The following JDP2 variants were observed in gnomAD, a reference collection of about 807,000 sequenced individuals.
JDP2 encodes progesterone receptor co-activator.
In JDP2, 9 loss-of-function variants were observed where a neutral mutation model predicts 17.1. The ratio of observed to expected loss-of-function variants is 0.53; its 90% confidence interval spans 0.32 to 0.92. JDP2 has a LOEUF of 0.92. Among genes scored for constraint, JDP2 ranks in the 40% least tolerant of loss-of-function variants. The probability of loss-of-function intolerance (pLI) is 0.04; values close to 1 mark genes in which losing one functional copy is unlikely to be tolerated. For synonymous variants in JDP2, 107 were observed against 95.6 expected, an observed-to-expected ratio of 1.12 and a Z score of -0.69; for missense variants, 179 against 220.0, an observed-to-expected ratio of 0.81 and a Z score of 1.18.
rs908789195 is a variant in JDP2, at chr14:75,473,999, T to C, written c.*4524T>C. 6.6e-6 allele frequency: 1 copy of C among 152,218 alleles called. No individual in the cohort carries two copies. The highest frequency in any genetic ancestry group is 1.5e-5 in the Non-Finnish European group (1 of 68,050). The allele number at this position is 152,218 out of a possible 1,614,324, so 9.4% of individuals were successfully genotyped here. A position where few individuals can be genotyped will look rare whatever the true frequency, so the allele number is the denominator to read the frequency against. On this transcript the variant is annotated 3_prime_UTR_variant, in exon 4 of 4. Transcript: ENST00000651602. ...TTTAAAATCCCCATCAAATGTAGAA[T>C]GACAGGATTTTTCAGAGGTGGGTGA...
intron 1 of JDP2, chr14:75,432,244 G>A (rs937741009): frequency 1.2e-5 from 17 of 1,414,502 alleles, no homozygotes; most frequent in East Asian, 7.5e-5. Flanking sequence ...CGTGACCTAC[G>A]TCATTCAGAT....
rs1886837302 is a variant in JDP2, at chr14:75,472,548, G to A, written c.*3073G>A. The A allele has an allele frequency of 1.3e-5, 2 of 152,200 alleles. No homozygotes were observed. The highest frequency in any genetic ancestry group is 1.3e-4 in the Admixed American group (2 of 15,284). 9.4% of individuals were successfully genotyped at this position (152,200 alleles called of 1,614,324 possible). ...ACACCTTAAAGGCAAACGGGTTCATGATGTAATCTTCTATTGACTAGCTGT... is the reference window on the plus strand; with the variant it reads ...ACACCTTAAAGGCAAACGGGTTCATAATGTAATCTTCTATTGACTAGCTGT... On this transcript the variant is annotated 3_prime_UTR_variant, in exon 4 of 4. Transcript: ENST00000651602.
rs1885509142 is a variant in JDP2, at chr14:75,444,626, A to ATAC, written c.201+6507_201+6509dup. Among the ~76,000 whole-genome samples the ATAC allele has an allele frequency of 2.0e-5, 3 of 152,372 alleles. No homozygotes were observed. The South Asian group carries it at 6.2e-4, about 32-fold the overall frequency. Reference sequence around the variant, plus strand: ...TCCAAAGTAGTACAGTTTCCTGCACATACTGCACATGGTGACTGGATCCAC... The same window carrying ATAC: ...TCCAAAGTAGTACAGTTTCCTGCACATACTACTGCACATGGTGACTGGATCCAC... On this transcript the variant is annotated intron_variant, in intron 2 of 3. Transcript: ENST00000651602.
intron 2 of JDP2, among the ~76,000 whole-genome samples, chr14:75,443,851 T>C (rs997144892): frequency 1.5e-4 from 23 of 152,182 alleles, no homozygotes; most frequent in African/African-American, 5.3e-4. Flanking sequence ...TCTTAGGTTT[T>C]CTATTAATAT....
chr14:75,431,429 C>T (rs1365792799), intron 1 of JDP2, among the ~76,000 whole-genome samples: 2 of 152,204 alleles, frequency 1.3e-5, no homozygotes, highest in Non-Finnish European at 2.9e-5. Flanking sequence ...AACCCAGCTA[C>T]CGCTCCTTGT....
chr14:75,438,143 G>C (rs374292549), intron 2 of JDP2, 22 bp downstream of exon 2: 2 of 1,569,184 alleles, frequency 1.3e-6, no homozygotes, highest in Non-Finnish European at 1.7e-6. Flanking sequence ...TTTTACCCCT[G>C]GCAGATTCCA....
rs970605941 is a variant in JDP2 at position 75,428,982 on chromosome 14, T to G, written c.-24+730T>G. Among the ~76,000 whole-genome samples the G allele has an allele frequency of 6.6e-6, 1 of 151,650 alleles. No homozygotes were observed. The highest frequency in any genetic ancestry group is 2.1e-4 in the South Asian group (1 of 4,800). On this transcript the variant is annotated intron_variant, in intron 1 of 3. Coordinates refer to ENST00000651602, the MANE Select transcript of JDP2 (RefSeq NM_001135048.2). The surrounding 1 kb of genome is among the most constrained non-coding windows in gnomAD (Gnocchi z 5.6). ...CCCAGCCCAGCTTAGAAGGCTCTCC[T>G]CTGCTCCTCCCTTCAAAGGAGGTTG...
chr14:75,470,576 T>G lies in JDP2; in HGVS notation c.*1101T>G, dbSNP rs1886781686. 1 of 152,236 alleles carries G rather than the reference T, an allele frequency of 6.6e-6. No individual in the cohort carries two copies. The highest frequency in any genetic ancestry group is 1.5e-5 in the Non-Finnish European group (1 of 68,068). The allele number at this position is 152,236 out of a possible 1,614,324, so 9.4% of individuals were successfully genotyped here. A position where few individuals can be genotyped will look rare whatever the true frequency, so the allele number is the denominator to read the frequency against. ...CACAACAGCTCTCCTATTTCACAGA[T>G]GAGGAAGCTAAGGCTCAGAGACATT... On this transcript the variant is annotated 3_prime_UTR_variant, in exon 4 of 4. Transcript: ENST00000651602.
rs1435460298 is a variant in JDP2 at position 75,452,792 on chromosome 14, C to A, written c.202-8634C>A. ...CACTAATGGTGAGTTACTTGCTTGA[C>A]CCCTGAGGTGATGTGAGTCTGCAAC... is the stretch of plus-strand genomic sequence containing the variant. On this transcript the variant is annotated intron_variant, in intron 2 of 3. Transcript: ENST00000651602. Among the ~76,000 whole-genome samples, 3 of 152,320 alleles carry A rather than the reference C, an allele frequency of 2.0e-5. No individual in the cohort carries two copies. In the South Asian group the frequency reaches 6.2e-4, roughly 32 times the overall value.
At position 75,428,059 on chromosome 14, in the gene JDP2, CCGCGACGGGGGGCGCTGGCGGCGGCGGA is replaced by C. The variant is rs1265718299; in HGVS notation, c.-213_-186del. 2 of 149,444 alleles carry C rather than the reference CCGCGACGGGGGGCGCTGGCGGCGGCGGA, an allele frequency of 1.3e-5. No homozygotes were observed. The highest frequency in any genetic ancestry group is 3.0e-5 in the Non-Finnish European group (2 of 67,048). The allele number at this position is 149,444 out of a possible 1,614,324, so 9.3% of individuals were successfully genotyped here. A position where few individuals can be genotyped will look rare whatever the true frequency, so the allele number is the denominator to read the frequency against. The stretch of plus-strand genomic sequence containing the variant: ...AGCCTGCGGGAGGGACGCTCGGCGG[CCGCGACGGGGGGCGCTGGCGGCGGCGGA>C]CGCTGCAGCGGCGGCGGGGCTGGCG... On this transcript the variant is annotated 5_prime_UTR_variant, in exon 1 of 4. Transcript: ENST00000651602. This position sits in a 1 kb window ranked among gnomAD's most constrained non-coding sequence, Gnocchi z 5.6.
At position 75,428,069 on chromosome 14, in the gene JDP2, G is replaced by T; in HGVS notation, c.-207G>T. 1 of 148,782 alleles carries T rather than the reference G, an allele frequency of 6.7e-6. No individual in the cohort carries two copies. The highest frequency in any genetic ancestry group is 1.9e-4 in the South Asian group (1 of 5,174). 9.2% of individuals were successfully genotyped at this position (148,782 alleles called of 1,614,324 possible). ...AGGGACGCTCGGCGGCCGCGACGGG[G>T]GGCGCTGGCGGCGGCGGACGCTGCA... is the stretch of plus-strand genomic sequence containing the variant. On this transcript the variant is annotated 5_prime_UTR_variant, in exon 1 of 4. Coordinates refer to ENST00000651602, the MANE Select transcript of JDP2 (RefSeq NM_001135048.2). The surrounding 1 kb of genome is among the most constrained non-coding windows in gnomAD (Gnocchi z 5.6).
chr14:75,448,545 T>A (rs1218886605), intron 2 of JDP2, among the ~76,000 whole-genome samples: 1 of 152,212 alleles, frequency 6.6e-6, no homozygotes, highest in East Asian at 1.9e-4. Flanking sequence ...CCACCTGCCA[T>A]TGGATACTCA....
At position 75,469,496 on chromosome 14, in the gene JDP2, G is replaced by T. The variant is rs759783894; in HGVS notation, c.*21G>T. 1.0e-5 allele frequency: 16 copies of T among 1,604,138 alleles called. No homozygotes were observed. In the South Asian group the frequency reaches 1.4e-4, roughly 14 times the overall value. Reference sequence around the variant, plus strand: ...AGTGACCATGGGCTGGGAGGAGGTGGAGGAGGAGGAAGAGGAGAAGGAAAA... The same window carrying T: ...AGTGACCATGGGCTGGGAGGAGGTGTAGGAGGAGGAAGAGGAGAAGGAAAA... On this transcript the variant is annotated 3_prime_UTR_variant, in exon 4 of 4. Coordinates refer to ENST00000651602, the MANE Select transcript of JDP2 (RefSeq NM_001135048.2).
At chr14:75,443,507 C>T (rs1342518481) in intron 2 of JDP2, among the ~76,000 whole-genome samples, 3 of 152,124 alleles carry the variant, frequency 2.0e-5, no homozygotes, top group African/African-American at 7.2e-5. Context: ...TCTTTGAAAT[C>T]CGTAATTTCC....
intron 2 of JDP2, chr14:75,445,330 C>T (rs1885547914): frequency 2.0e-6 from 2 of 985,414 alleles, no homozygotes; most frequent in African/African-American, 1.7e-5. Flanking sequence ...AGCCACCCTT[C>T]CAGGTTGTGT....
At chr14:75,457,840 A>G (rs967693921) in intron 2 of JDP2, among the ~76,000 whole-genome samples, 2 of 152,370 alleles carry the variant, frequency 1.3e-5, no homozygotes, top group East Asian at 3.9e-4. Flanking sequence ...TACTACAAAC[A>G]GAGAGAAGAG....
rs544162557 is a variant in JDP2, at chr14:75,429,883, C to G, written c.-24+1631C>G. Among the ~76,000 whole-genome samples, 5 of 152,272 alleles carry G rather than the reference C, an allele frequency of 3.3e-5. No homozygotes were observed. In the East Asian group the frequency reaches 9.7e-4, roughly 29 times the overall value. ...GCTGGGTGCTGTGTGATTTGAAGGG[C>G]TGCAGGAAGTCATGGGTGTGTAGAC... On this transcript the variant is annotated intron_variant, in intron 1 of 3. Coordinates refer to ENST00000651602, the MANE Select transcript of JDP2 (RefSeq NM_001135048.2).
chr14:75,429,160 T>C (rs1245298082), intron 1 of JDP2, among the ~76,000 whole-genome samples: 1 of 151,826 alleles, frequency 6.6e-6, no homozygotes, highest in Admixed American at 6.6e-5. Context: ...GATGGGGAGG[T>C]CCTGGCTCTT....
chr14:75,464,256 G>A (rs1178761143), intron 3 of JDP2, among the ~76,000 whole-genome samples: 1 of 152,186 alleles, frequency 6.6e-6, no homozygotes, highest in Non-Finnish European at 1.5e-5. Flanking sequence ...AAAATACAAG[G>A]CTCAGAGATA....
Sources: allele counts gnomAD v4.1 joint callset (sites outside exome capture counted in the v4.1 genomes callset), GRCh38; gene constraint gnomAD v4.1.1; non-coding constraint Gnocchi (gnomAD v3.1); transcripts MANE v1.5; gene names NCBI Gene and HGNC (gene_info 2026-07-23, HGNC 2026-07-21).